The following NKX6-1 variants were observed in gnomAD, a reference collection of about 807,000 sequenced individuals.
NKX6-1 encodes NK6 homeobox 1, also known as homeobox protein Nkx-6.1.
Under a neutral mutation model 24.9 loss-of-function variants are expected in NKX6-1, and 11 were observed. The ratio of observed to expected loss-of-function variants is 0.44; its 90% confidence interval spans 0.28 to 0.73. The LOEUF (loss-of-function observed/expected upper bound fraction) is 0.73, where lower values mean the gene tolerates loss of function less well. NKX6-1 is among the 30% of genes least tolerant of loss of function. NKX6-1 has a pLI of 0.15. For synonymous variants in NKX6-1, 277 were observed against 242.9 expected (o/e 1.14, Z -1.31); for missense variants, 487 against 502.9 (o/e 0.97, Z 0.30).
chr4:84,498,220 C>G lies in NKX6-1; in HGVS notation c.9G>C (p.Ala3=). 7.7e-7 allele frequency: 1 copy of G among 1,295,684 alleles called. No homozygotes were observed. The highest frequency in any genetic ancestry group is 1.5e-5 in the African/African-American group (1 of 66,408). 80.3% of individuals were successfully genotyped at this position (1,295,684 alleles called of 1,614,324 possible). Residue 3 remains alanine (A), a synonymous_variant, in exon 1 of 3, where the codon GCG becomes GCC. Transcript: ENST00000295886. The stretch of plus-strand genomic sequence containing the variant: ...GCCGGGTGCCCTCCATTGCCCCCAC[C>G]GCTAACATCCCACGGCCACGCCGGA... The part of the protein sequence containing the change: ML[A]VGAMEGTRQS...
Position 84,498,680 on chromosome 4 carries a change from G to T in NKX6-1, c.-452C>A, listed in dbSNP as rs1237289411. Among the ~76,000 whole-genome samples, 1 of 152,198 alleles carries T rather than the reference G, an allele frequency of 6.6e-6. No homozygotes were observed. The highest frequency in any genetic ancestry group is 1.5e-5 in the Non-Finnish European group (1 of 68,036). ...TGAAGTTGGAGGGTGGGGGTGGCTT[G>T]CTTTCTTTGGGGAGGTTCAAAGGAC... On this transcript the variant is annotated 5_prime_UTR_variant, in exon 1 of 3. Coordinates refer to ENST00000295886, the MANE Select transcript of NKX6-1 (RefSeq NM_006168.3).
chr4:84,498,707 C>T lies in NKX6-1; in HGVS notation c.-479G>A, dbSNP rs962543172. On this transcript the variant is annotated 5_prime_UTR_variant, in exon 1 of 3. Transcript: ENST00000295886. Reference sequence around the variant, plus strand: ...TTTCTTTGGGGAGGTTCAAAGGACGCCTTGTGCAGCCCGTGGCGCTCCTCT... The same window carrying T: ...TTTCTTTGGGGAGGTTCAAAGGACGTCTTGTGCAGCCCGTGGCGCTCCTCT... Among the ~76,000 whole-genome samples the T allele has an allele frequency of 1.3e-5, 2 of 152,180 alleles. No homozygotes were observed. Among genetic ancestry groups the T allele is most frequent in the African/African-American group, 4.8e-5 (2 of 41,456 alleles).
rs1720808003 is a variant in NKX6-1, at chr4:84,495,813, C to A, written c.702G>T (p.Gly234=). 2 of 1,614,046 alleles carry A rather than the reference C, an allele frequency of 1.2e-6. No individual in the cohort carries two copies. Among genetic ancestry groups the A allele is most frequent in the Non-Finnish European group, 1.7e-6 (2 of 1,180,050 alleles). Residue 234 remains glycine, a synonymous_variant, in exon 2 of 3, where the codon GGG becomes GGT. Transcript: ENST00000295886. Reference sequence around the variant, plus strand: ...AAGTGGGTCTCGTGTGTTTTCTCTTCCCGTCTTTGTCCAACAAAATGGATC... The same window carrying A: ...AAGTGGGTCTCGTGTGTTTTCTCTTACCGTCTTTGTCCAACAAAATGGATC... ...HQGSILLDKD[G]KRKHTRPTFS...
chr4:84,493,444 A>G lies in NKX6-1; in HGVS notation c.949T>C (p.Ser317Pro). ...TCGTCGTCCTCTTCCTCGTTCTCCGAGGCCCCCTTGAGGCGCTCTGTCTCC... is the reference window on the plus strand; with the variant it reads ...TCGTCGTCCTCTTCCTCGTTCTCCGGGGCCCCCTTGAGGCGCTCTGTCTCC... ...DSETERLKGA[S>P]ENEEEDDDYN... Residue 317 changes from serine to proline, a missense_variant, in exon 3 of 3, where the codon TCG becomes CCG. This residue lies in a region of NKX6-1 where 126 missense variants were observed against 105.5 expected (regional missense o/e 1.19). Transcript: ENST00000295886. The surrounding 1 kb of genome is among the most constrained non-coding windows in gnomAD (Gnocchi z 5.1). 1 of 1,614,226 alleles carries G rather than the reference A, an allele frequency of 6.2e-7. No homozygotes were observed. The highest frequency in any genetic ancestry group is 8.5e-7 in the Non-Finnish European group (1 of 1,180,042).
In NKX6-1 at chr4:84,492,279, G is replaced by C. The variant is rs906385974; in HGVS notation, c.*1010C>G. 1 of 152,072 alleles carries C rather than the reference G, an allele frequency of 6.6e-6. No homozygotes were observed. Among genetic ancestry groups the C allele is most frequent in the Admixed American group, 6.5e-5 (1 of 15,268 alleles). 9.4% of individuals were successfully genotyped at this position (152,072 alleles called of 1,614,324 possible). On this transcript the variant is annotated 3_prime_UTR_variant, in exon 3 of 3. Transcript: ENST00000295886. ...CAATTCCCACCACCTACTTTAACACGCATTTTTATCAGAAAGGAGTTAAAT... is the reference window on the plus strand; with the variant it reads ...CAATTCCCACCACCTACTTTAACACCCATTTTTATCAGAAAGGAGTTAAAT...
intron 2 of NKX6-1, among the ~76,000 whole-genome samples, chr4:84,494,140 C>G (rs1225422082): frequency 1.4e-5 from 2 of 147,536 alleles, no homozygotes; most frequent in African/African-American, 5.0e-5. Context: ...AAAAAATATC[C>G]TCCCAGTTTT....
At chr4:84,495,591 G>A (rs1488591900) in intron 2 of NKX6-1, 81 bp downstream of exon 2, 6 of 1,166,574 alleles carry the variant, frequency 5.1e-6, no homozygotes, top group African/African-American at 3.0e-5. Context: ...TGGGGTGTGT[G>A]TGTGTGTGTG....
rs1720743465 is a variant in NKX6-1 at position 84,492,549 on chromosome 4, G to A, written c.*740C>T. 6.6e-6 allele frequency: 1 copy of A among 152,346 alleles called. No individual in the cohort carries two copies. Among genetic ancestry groups the A allele is most frequent in the Non-Finnish European group, 1.5e-5 (1 of 68,184 alleles). The allele number at this position is 152,346 out of a possible 1,614,324, so 9.4% of individuals were successfully genotyped here. ...ATTCTGCAAATCCAAACGGGAAAGA[G>A]GAACGAGAGGAGGGGACGGAGAAGG... On this transcript the variant is annotated 3_prime_UTR_variant, in exon 3 of 3. Transcript: ENST00000295886.
At chr4:84,495,881 A>T in intron 1 of NKX6-1, 37 bp from the exon 2 acceptor site, 1 of 1,604,870 alleles carries the variant, frequency 6.2e-7, no homozygotes, top group Non-Finnish European at 8.5e-7. Context: ...AGGGGGAAAA[A>T]CAATCGGTTA....
At chr4:84,495,621 G>A in intron 2 of NKX6-1, 51 bp downstream of exon 2, 2 of 1,518,556 alleles carry the variant, frequency 1.3e-6, no homozygotes, top group South Asian at 2.3e-5. Flanking sequence ...GTGTGCACGC[G>A]CGCGCGACAG....
chr4:84,493,276 C>T lies in NKX6-1; in HGVS notation c.*13G>A, dbSNP rs1256967991. On this transcript the variant is annotated 3_prime_UTR_variant, in exon 3 of 3. Coordinates refer to ENST00000295886, the MANE Select transcript of NKX6-1 (RefSeq NM_006168.3). This position sits in a 1 kb window ranked among gnomAD's most constrained non-coding sequence, Gnocchi z 5.1. ...GGAGGCCGGAGCCGGGAAGGTGCGG[C>T]GGGCGGCGGCGTTCAGGATGAGCTC... The T allele has an allele frequency of 2.1e-6, 3 of 1,408,664 alleles. No homozygotes were observed. Among genetic ancestry groups the T allele is most frequent in the Non-Finnish European group, 1.8e-6 (2 of 1,087,772 alleles). 87.3% of individuals were successfully genotyped at this position (1,408,664 alleles called of 1,614,324 possible).
chr4:84,495,780 T>C lies in NKX6-1; in HGVS notation c.735A>G (p.Gly245=). Residue 245 remains glycine (G), a synonymous_variant, in exon 2 of 3, where the codon GGA becomes GGG. Transcript: ENST00000295886. ...KRKHTRPTFS[G]QQIFALEKTF... is the part of the protein sequence containing the mutation. Reference sequence around the variant, plus strand: ...TCTTCTCCAGGGCGAAGATCTGCTGTCCGGAAAAAGTGGGTCTCGTGTGTT... The same window carrying C: ...TCTTCTCCAGGGCGAAGATCTGCTGCCCGGAAAAAGTGGGTCTCGTGTGTT... 6.2e-7 allele frequency: 1 copy of C among 1,614,138 alleles called. No homozygotes were observed. The highest frequency in any genetic ancestry group is 8.5e-7 in the Non-Finnish European group (1 of 1,180,026).
chr4:84,495,911 GA>G (rs1191992734), intron 1 of NKX6-1, 67 bp from the exon 2 acceptor site: 5 of 1,485,932 alleles, frequency 3.4e-6, no homozygotes, highest in African/African-American at 1.4e-5. Context: ...GCACTAGGGG[GA>G]AAAAACGAAC....
In NKX6-1 at chr4:84,497,136, G is replaced by A. The variant is rs78399275; in HGVS notation, c.670+423C>T. Among the ~76,000 whole-genome samples the A allele has an allele frequency of 0.015, 2,241 of 152,274 alleles. 57 individuals carry two copies. The highest frequency in any genetic ancestry group is 0.051 in the African/African-American group (2,136 of 41,566). On this transcript the variant is annotated intron_variant, in intron 1 of 2. Coordinates refer to ENST00000295886, the MANE Select transcript of NKX6-1 (RefSeq NM_006168.3). This position sits in a 1 kb window ranked among gnomAD's most constrained non-coding sequence, Gnocchi z 4.8. ...GCGAAGGCGGAATGGGGCGCTGGAC[G>A]ACAGGGAGGAGCCGGGAAAGCAGAG...
Position 84,492,204 on chromosome 4 carries a change from A to C in NKX6-1, c.*1085T>G, listed in dbSNP as rs1436990997. On this transcript the variant is annotated 3_prime_UTR_variant, in exon 3 of 3. Transcript: ENST00000295886. The stretch of plus-strand genomic sequence containing the variant: ...TATGATACAAAACACTTCAAATTCA[A>C]TTACAGTAACTAAATGAATTTTTAT... 6.6e-6 allele frequency: 1 copy of C among 152,232 alleles called. No homozygotes were observed. Among genetic ancestry groups the C allele is most frequent in the Non-Finnish European group, 1.5e-5 (1 of 68,050 alleles). The allele number at this position is 152,232 out of a possible 1,614,324, so 9.4% of individuals were successfully genotyped here. A position where few individuals can be genotyped will look rare whatever the true frequency, so the allele number is the denominator to read the frequency against.
rs751731662 is a variant in NKX6-1 at position 84,497,550 on chromosome 4, A to T, written c.670+9T>A. On this transcript the variant is annotated intron_variant, in intron 1 of 2. Transcript: ENST00000295886. This position sits in a 1 kb window ranked among gnomAD's most constrained non-coding sequence, Gnocchi z 4.8. ...AGGCAGGCATCGGGGCGCGGGTGGTAGTACTCACGAGGGGTACAGGCCAGG... is the reference window on the plus strand; with the variant it reads ...AGGCAGGCATCGGGGCGCGGGTGGTTGTACTCACGAGGGGTACAGGCCAGG... 3.4e-5 allele frequency: 43 copies of T among 1,255,596 alleles called. No homozygotes were observed. The highest frequency in any genetic ancestry group is 3.8e-5 in the Non-Finnish European group (38 of 992,708). The allele number at this position is 1,255,596 out of a possible 1,614,324, so 77.8% of individuals were successfully genotyped here. A position where few individuals can be genotyped will look rare whatever the true frequency, so the allele number is the denominator to read the frequency against.
intron 1 of NKX6-1, 97 bp from the exon 2 acceptor site, chr4:84,495,941 T>TG (rs1272439472): frequency 1.6e-6 from 2 of 1,271,172 alleles, no homozygotes. Flanking sequence ...CAATGTTTTG[T>TG]GGGGAAAGAA....
rs1388737309 is a variant in NKX6-1, at chr4:84,498,816, A to ATG, written c.-589_-588insCA. On this transcript the variant is annotated 5_prime_UTR_variant, in exon 1 of 3. The change creates a new upstream start codon in the 5' untranslated region. Transcript: ENST00000295886. ...CTGTGCCCGGGGAGAAAGCGCATCC[A>ATG]GCCCGCGGGAGATCTAGCCTCTGTG... 5.9e-5 allele frequency among the ~76,000 whole-genome samples: 9 copies of ATG among 152,184 alleles called. No homozygotes were observed. The highest frequency in any genetic ancestry group is 9.7e-5 in the African/African-American group (4 of 41,448).
chr4:84,497,433 G>A lies in NKX6-1; in HGVS notation c.670+126C>T, dbSNP rs1720842372. 4.1e-6 allele frequency: 5 copies of A among 1,213,406 alleles called. No homozygotes were observed. Among genetic ancestry groups the A allele is most frequent in the Middle Eastern group, 2.6e-4 (1 of 3,784 alleles). The allele number at this position is 1,213,406 out of a possible 1,614,324, so 75.2% of individuals were successfully genotyped here. A position where few individuals can be genotyped will look rare whatever the true frequency, so the allele number is the denominator to read the frequency against. On this transcript the variant is annotated intron_variant, in intron 1 of 2. Coordinates refer to ENST00000295886, the MANE Select transcript of NKX6-1 (RefSeq NM_006168.3). This position sits in a 1 kb window ranked among gnomAD's most constrained non-coding sequence, Gnocchi z 4.8. ...GCCCAACCTAACTGGTGTGATTCCG[G>A]CGCTGTCAAACTACTGGGGCGGGCC...
Sources: gnomAD v4.1 joint callset for allele counts (sites outside exome capture counted in the v4.1 genomes callset) on GRCh38, gnomAD v4.1.1 for gene constraint, gnomAD v4.1.1 regional missense constraint, Gnocchi (gnomAD v3.1) non-coding constraint, MANE v1.5 for transcripts, NCBI Gene and HGNC (gene_info 2026-07-23, HGNC 2026-07-21) for gene names.